TLCD4: variants seen among roughly 807,000 people sequenced by gnomAD.
The protein encoded by TLCD4 is TLC domain-containing protein 4.
In TLCD4, 7 loss-of-function variants were observed where a neutral mutation model predicts 24.2. That is an observed-to-expected ratio of 0.29 (90% CI 0.16 to 0.54). The LOEUF is 0.54. Ranked by LOEUF, TLCD4 falls within the 20% of genes least tolerant of loss-of-function variation. The pLI is 0.95. For synonymous variants in TLCD4, 103 were observed against 106.4 expected (o/e 0.97, Z 0.20); for missense variants, 259 against 313.9 (o/e 0.82, Z 1.32).
the TLCD4 span, among the ~76,000 whole-genome samples, chr1:95,109,956 T>TAC: frequency 6.1e-3 from 542 of 89,354 alleles, 1 homozygote; most frequent in Non-Finnish European, 9.4e-3. Context: ...TATATATATA[T>TAC]ATACACACAC....
In TLCD4 at chr1:95,125,301, C is replaced by G. The variant is rs192329248; in HGVS notation, c.-12+7684C>G. On this transcript the variant is annotated intron_variant, in intron 1 of 6. Transcript: ENST00000370203. ...CACATCTGATTCGTTTTGCACATCACCTTACTAAGCTGTGAAGTAGTTCAA... is the reference window on the plus strand; with the variant it reads ...CACATCTGATTCGTTTTGCACATCAGCTTACTAAGCTGTGAAGTAGTTCAA... 9.4e-4 allele frequency among the ~76,000 whole-genome samples: 143 copies of G among 152,284 alleles called. 1 individual carries two copies. The highest frequency in any genetic ancestry group is 3.4e-3 in the African/African-American group (141 of 41,548).
At chr1:95,106,554 G>A in the TLCD4 span, among the ~76,000 whole-genome samples, 5 of 152,070 alleles carry the variant, frequency 3.3e-5, no homozygotes, top group East Asian at 1.9e-4. Flanking sequence ...TTGGCTGGGC[G>A]TAGTAGTGCA....
the TLCD4 span, among the ~76,000 whole-genome samples, chr1:95,099,817 T>C: frequency 1.4e-4 from 21 of 152,224 alleles, no homozygotes; most frequent in East Asian, 2.7e-3. Flanking sequence ...AAAGTTTTTT[T>C]TTTTTAATTA....
intron 5 of TLCD4, among the ~76,000 whole-genome samples, chr1:95,166,680 G>A (rs1233600747): frequency 1.3e-5 from 2 of 152,142 alleles, no homozygotes; most frequent in Admixed American, 6.5e-5. Context: ...ACCTAGGCAG[G>A]AAGGAATAGG....
chr1:95,136,398 A>G (rs1461543313), intron 1 of TLCD4, among the ~76,000 whole-genome samples: 2 of 152,044 alleles, frequency 1.3e-5, no homozygotes, highest in African/African-American at 4.8e-5. Context: ...TGCCTTTATG[A>G]TTTGGATTCA....
intron 1 of TLCD4, among the ~76,000 whole-genome samples, chr1:95,130,087 T>A (rs548275345): frequency 6.6e-6 from 1 of 152,336 alleles, no homozygotes; most frequent in African/African-American, 2.4e-5. Context: ...TTCTTTTAGA[T>A]GCTTAACAAT....
At chr1:95,154,274 G>T (rs973741824) in intron 5 of TLCD4, among the ~76,000 whole-genome samples, 5 of 152,142 alleles carry the variant, frequency 3.3e-5, no homozygotes, top group Non-Finnish European at 7.4e-5. Context: ...AAAGCAGCTG[G>T]CCTGCCAATC....
At chr1:95,155,612 G>GT (rs1447129411) in intron 5 of TLCD4, among the ~76,000 whole-genome samples, 1 of 152,068 alleles carries the variant, frequency 6.6e-6, no homozygotes, top group Non-Finnish European at 1.5e-5. Context: ...GCTGATGGAC[G>GT]TATGTGTCAC....
At chr1:95,123,891 A>G (rs904161415) in intron 1 of TLCD4, among the ~76,000 whole-genome samples, 11 of 152,206 alleles carry the variant, frequency 7.2e-5, no homozygotes, top group African/African-American at 2.4e-4. Flanking sequence ...TTGAGGGTAA[A>G]AGACCAATTC....
chr1:95,115,905 A>G (rs558964327), upstream of TLCD4, among the ~76,000 whole-genome samples: 8 of 152,208 alleles, frequency 5.3e-5, no homozygotes, highest in South Asian at 4.1e-4. Context: ...ATGTTCACAT[A>G]TAACCATCCT....
Position 95,191,813 on chromosome 1 carries a change from C to T in TLCD4, c.737C>T (p.Ser246Phe). The T allele has an allele frequency of 6.2e-7, 1 of 1,614,130 alleles. No homozygotes were observed. Among genetic ancestry groups the T allele is most frequent in the Non-Finnish European group, 8.5e-7 (1 of 1,180,018 alleles). ...TCAAAAGGTTGCATCAAAGTCATCT[C>T]TCACATCAGACAAGAGAAAGCCAAA... is the stretch of plus-strand genomic sequence containing the variant. ...KISKGCIKVI[S>F]HIRQEKAKNS... is the part of the protein sequence containing the mutation. The change falls in exon 7 of 7, where the codon TCT becomes TTT. Residue 246 changes from serine to phenylalanine, a missense_variant. Ser to Phe is a radical substitution (Grantham distance 155). Transcript: ENST00000370203.
In TLCD4 at chr1:95,196,672, A is replaced by T. The variant is rs2101037191; in HGVS notation, c.*4804A>T. The T allele has an allele frequency of 6.6e-6, 1 of 152,334 alleles. No individual in the cohort carries two copies. Among genetic ancestry groups the T allele is most frequent in the Non-Finnish European group, 1.5e-5 (1 of 68,016 alleles). 9.4% of individuals were successfully genotyped at this position (152,334 alleles called of 1,614,324 possible). A position where few individuals can be genotyped will look rare whatever the true frequency, so the allele number is the denominator to read the frequency against. On this transcript the variant is annotated 3_prime_UTR_variant, in exon 7 of 7. Coordinates refer to ENST00000370203, the MANE Select transcript of TLCD4 (RefSeq NM_152487.3). ...TAAGACCAAAACCAGAAATATTTCT[A>T]AATCTCAAAGATTTATAAGTACAGT...
At chr1:95,102,244 G>A in the TLCD4 span, among the ~76,000 whole-genome samples, 1 of 152,312 alleles carries the variant, frequency 6.6e-6, no homozygotes, top group Non-Finnish European at 1.5e-5. Context: ...AATGGGAGAA[G>A]ATGGAAAGGA....
chr1:95,093,445 C>T, the TLCD4 span, among the ~76,000 whole-genome samples: 28 of 152,294 alleles, frequency 1.8e-4, no homozygotes, highest in South Asian at 4.6e-3. Flanking sequence ...TATGGGTCAT[C>T]GGACTGTAAG....
At chr1:95,143,434 T>C (rs1450497508) in intron 1 of TLCD4, among the ~76,000 whole-genome samples, 1 of 152,198 alleles carries the variant, frequency 6.6e-6, no homozygotes, top group Non-Finnish European at 1.5e-5. Context: ...TGTTTTGTTA[T>C]TACAGGCAGT....
At chr1:95,176,944 G>A (rs1478356721) in intron 6 of TLCD4, among the ~76,000 whole-genome samples, 4 of 152,142 alleles carry the variant, frequency 2.6e-5, no homozygotes, top group Non-Finnish European at 4.4e-5. Context: ...TCATTTGGCT[G>A]TACATGCAAG....
intron 1 of TLCD4, 23 bp downstream of exon 1, chr1:95,117,640 T>G (rs1676461770): frequency 6.6e-6 from 1 of 151,116 alleles, no homozygotes; most frequent in African/African-American, 2.4e-5. Flanking sequence ...GGAGGGGGGG[T>G]TGGGGAGGAA....
intron 5 of TLCD4, among the ~76,000 whole-genome samples, chr1:95,161,384 T>C (rs1389614706): frequency 6.6e-6 from 1 of 152,200 alleles, no homozygotes; most frequent in Non-Finnish European, 1.5e-5. Context: ...TCTATTGGAT[T>C]CTTCTCTCTT....
chr1:95,126,468 A>G (rs1368557960), intron 1 of TLCD4, among the ~76,000 whole-genome samples: 1 of 150,550 alleles, frequency 6.6e-6, no homozygotes, highest in East Asian at 2.0e-4. Context: ...ATCAAGAACT[A>G]TTCTTTATTG....
Sources: allele counts gnomAD v4.1 joint callset (sites outside exome capture counted in the v4.1 genomes callset), GRCh38; gene constraint gnomAD v4.1.1; transcripts MANE v1.5; gene names NCBI Gene and HGNC (gene_info 2026-07-23, HGNC 2026-07-21).